PCDH11X: variants seen among roughly 807,000 people sequenced by gnomAD.
The protein encoded by PCDH11X is protocadherin-11 X-linked.
Under a neutral mutation model 53.3 loss-of-function variants are expected in PCDH11X, and 18 were observed. That is an observed-to-expected ratio of 0.34 (90% CI 0.23 to 0.50). The LOEUF (loss-of-function observed/expected upper bound fraction) is 0.50. Among genes scored for constraint, PCDH11X ranks in the 20% least tolerant of loss-of-function variants. The probability of loss-of-function intolerance (pLI) is 0.98; values close to 1 mark genes in which losing one functional copy is unlikely to be tolerated. For missense variants in PCDH11X, 570 were observed against 1,032.4 expected (o/e 0.55, Z 6.14); for synonymous variants, 279 against 393.3 (o/e 0.71, Z 3.44).
intron 7 of PCDH11X, among the ~76,000 whole-genome samples, chrX:92,227,498 G>A (rs2066991520): frequency 9.0e-6 from 1 of 111,360 alleles, no homozygotes; most frequent in Admixed American, 9.7e-5. Flanking sequence ...TTTTCTTAAA[G>A]TTTTCAACTA....
intron 9 of PCDH11X, among the ~76,000 whole-genome samples, chrX:92,397,410 A>C (rs2071271003): frequency 9.1e-6 from 1 of 109,971 alleles, no homozygotes; most frequent in Non-Finnish European, 1.9e-5. Context: ...TCTCTTTGGA[A>C]AATGTGTGTC....
chrX:92,442,873 A>G (rs934470605), intron 9 of PCDH11X, among the ~76,000 whole-genome samples: 1 of 108,306 alleles, frequency 9.2e-6, no homozygotes, highest in African/African-American at 3.4e-5. Flanking sequence ...TGCAACGAAC[A>G]TGCTGTTGGC....
chrX:92,121,528 A>G (rs1323218263), intron 6 of PCDH11X, among the ~76,000 whole-genome samples: 1 of 111,216 alleles, frequency 9.0e-6, no homozygotes, highest in Non-Finnish European at 1.9e-5. Flanking sequence ...ATTTGTAAAC[A>G]TATTATGTTG....
intron 10 of PCDH11X, among the ~76,000 whole-genome samples, chrX:92,499,636 C>CAAAAA (rs57761605): frequency 3.5e-4 from 6 of 17,277 alleles, no homozygotes; most frequent in African/African-American, 6.9e-4. Flanking sequence ...CCTGTCTCTA[C>CAAAAA]AAAAAAAAAA....
At chrX:92,249,533 C>T (rs1236750270) in intron 7 of PCDH11X, among the ~76,000 whole-genome samples, 1 of 112,466 alleles carries the variant, frequency 8.9e-6, no homozygotes, top group Non-Finnish European at 1.9e-5. Flanking sequence ...TTGTTACTAA[C>T]ATAGTAAAGA....
intron 6 of PCDH11X, among the ~76,000 whole-genome samples, chrX:92,177,860 AATTAT>A (rs1217020485): frequency 1.9e-4 from 21 of 110,761 alleles, no homozygotes; most frequent in East Asian, 2.8e-4. Context: ...ATTAATGATA[AATTAT>A]ATTATATATA....
At chrX:92,541,854 C>A (rs1410963266) in intron 10 of PCDH11X, among the ~76,000 whole-genome samples, 1 of 110,702 alleles carries the variant, frequency 9.0e-6, no homozygotes, top group Non-Finnish European at 1.9e-5. Flanking sequence ...GAGGCTGAGG[C>A]AGGAGAATTG....
In PCDH11X at chrX:91,908,480, A is replaced by G. The variant is rs193157113; in HGVS notation, c.3033+29207A>G. Among the ~76,000 whole-genome samples the G allele has an allele frequency of 2.4e-3, 269 of 112,174 alleles. 2 individuals are homozygous for G. The highest frequency in any genetic ancestry group is 3.8e-3 in the Non-Finnish European group (202 of 53,243). ...ATGCAAATCAAAACCACAATGAGAT[A>G]GCAACTCACGCCAGTCAGAATGGCT... On this transcript the variant is annotated intron_variant, in intron 6 of 10. Transcript: ENST00000682573.
chrX:92,042,073 A>G (rs373263612), intron 6 of PCDH11X, among the ~76,000 whole-genome samples: 3 of 111,882 alleles, frequency 2.7e-5, no homozygotes, highest in African/African-American at 6.5e-5. Flanking sequence ...TAAAACAACT[A>G]AAGTATCTAA....
chrX:92,026,723 C>T (rs1470279735), intron 6 of PCDH11X, among the ~76,000 whole-genome samples: 19 of 81,217 alleles, frequency 2.3e-4, no homozygotes, highest in African/African-American at 8.3e-4. Flanking sequence ...GAAAAGAAAA[C>T]TTTTACTCTA....
At chrX:92,257,595 A>T (rs1052405492) in intron 7 of PCDH11X, among the ~76,000 whole-genome samples, 3 of 112,470 alleles carry the variant, frequency 2.7e-5, no homozygotes, top group Admixed American at 1.9e-4. Flanking sequence ...ACTCTCATTC[A>T]AAAAGGAAGA....
Position 92,433,395 on chromosome X carries a change from A to T in PCDH11X, c.3344-34904A>T, listed in dbSNP as rs751788279. ...GGTTGCTCCAACATTTTGGAAACAT[A>T]TTCTTGTGGCCTACACTCACAGTGT... On this transcript the variant is annotated intron_variant, in intron 9 of 10. Coordinates refer to ENST00000682573, the MANE Select transcript of PCDH11X (RefSeq NM_032968.5). Among the ~76,000 whole-genome samples the T allele has an allele frequency of 2.9e-3, 318 of 109,834 alleles. 2 individuals are homozygous for T. The highest frequency in any genetic ancestry group is 1.0e-2 in the African/African-American group (302 of 30,332).
At chrX:91,833,520 G>T (rs2524437) in intron 4 of PCDH11X, among the ~76,000 whole-genome samples, 1 of 111,126 alleles carries the variant, frequency 9.0e-6, no homozygotes, top group Non-Finnish European at 1.9e-5. Context: ...AATGTCTTCA[G>T]CTCTAGCATT....
chrX:91,887,728 T>C (rs5984841), intron 6 of PCDH11X, among the ~76,000 whole-genome samples: 20,384 of 110,603 alleles, frequency 0.18, 1,999 homozygotes, highest in Admixed American at 0.45. Context: ...TGCTTATTGT[T>C]TTATAAACTA....
chrX:92,045,082 T>C (rs1487226122), intron 6 of PCDH11X, among the ~76,000 whole-genome samples: 1 of 96,098 alleles, frequency 1.0e-5, no homozygotes, highest in Non-Finnish European at 2.0e-5. Context: ...CTGATCATGC[T>C]CTTTCTAAAA....
chrX:92,064,299 C>G (rs2063570456), intron 6 of PCDH11X, among the ~76,000 whole-genome samples: 1 of 109,403 alleles, frequency 9.1e-6, no homozygotes, highest in African/African-American at 3.3e-5. Flanking sequence ...TAGTTATAAA[C>G]TTTTTTAAGG....
At chrX:92,484,118 A>AGTATATATATGTATATATGTAT (rs1173527969) in intron 10 of PCDH11X, among the ~76,000 whole-genome samples, 1 of 71,872 alleles carries the variant, frequency 1.4e-5, no homozygotes, top group Non-Finnish European at 2.7e-5. Flanking sequence ...GTATATATAT[A>AGTATATATATGTATATATGTAT]GTATATATAT....
At chrX:92,123,701 G>A (rs1272281983) in intron 6 of PCDH11X, among the ~76,000 whole-genome samples, 1 of 105,073 alleles carries the variant, frequency 9.5e-6, no homozygotes, top group Admixed American at 1.1e-4. Context: ...CAGGCCGTTG[G>A]CCATCCACCA....
At chrX:92,531,411 A>G (rs1295787202) in intron 10 of PCDH11X, among the ~76,000 whole-genome samples, 1 of 111,244 alleles carries the variant, frequency 9.0e-6, no homozygotes, top group African/African-American at 3.3e-5. Context: ...GAACATCTGA[A>G]CCCTGTGTGA....
Sources: gnomAD v4.1 joint callset for allele counts (sites outside exome capture counted in the v4.1 genomes callset) on GRCh38, gnomAD v4.1.1 for gene constraint, MANE v1.5 for transcripts, NCBI Gene and HGNC (gene_info 2026-07-23, HGNC 2026-07-21) for gene names.